Variants in SCGB2B2 observed in about 807,000 individuals in gnomAD.
SCGB2B2 encodes the protein secretoglobin-like protein.
Under a neutral mutation model 7.6 loss-of-function variants are expected in SCGB2B2, and 11 were observed. That is an observed-to-expected ratio of 1.45 (90% CI 0.91 to 2.40). SCGB2B2 has a LOEUF of 2.40. Ranked by LOEUF, SCGB2B2 falls within the 30% of genes most tolerant of loss-of-function variation. The probability of loss-of-function intolerance (pLI) is 0.00; values close to 1 mark genes in which losing one functional copy is unlikely to be tolerated. For synonymous variants in SCGB2B2, 50 were observed against 48.6 expected, an observed-to-expected ratio of 1.03 and a Z score of -0.12; for missense variants, 104 against 115.4, an observed-to-expected ratio of 0.90 and a Z score of 0.45.
chr19:34,656,628 A>G (rs2067290225), intron 1 of SCGB2B2, among the ~76,000 whole-genome samples: 1 of 151,320 alleles, frequency 6.6e-6, no homozygotes, highest in Non-Finnish European at 1.5e-5. Flanking sequence ...ATTCTCTTAG[A>G]AAATAGAAGT....
chr19:34,664,689 T>C (rs1214822464), intron 1 of SCGB2B2, among the ~76,000 whole-genome samples: 8 of 152,110 alleles, frequency 5.3e-5, no homozygotes, highest in Non-Finnish European at 1.0e-4. Flanking sequence ...GTCCGGAAGC[T>C]CTAGGGCCCC....
At chr19:34,612,279 C>T (rs770520456) in intron 1 of SCGB2B2, among the ~76,000 whole-genome samples, 24 of 151,682 alleles carry the variant, frequency 1.6e-4, no homozygotes, top group Middle Eastern at 3.4e-3. Flanking sequence ...CATCGTGATC[C>T]GCCCACCTTG....
At chr19:34,597,885 G>A (rs986136119) in intron 1 of SCGB2B2, among the ~76,000 whole-genome samples, 4 of 152,202 alleles carry the variant, frequency 2.6e-5, no homozygotes, top group African/African-American at 9.7e-5. Flanking sequence ...AACTGGGCAG[G>A]AGGTGCCCTG....
intron 1 of SCGB2B2, among the ~76,000 whole-genome samples, chr19:34,659,370 G>A (rs1421780306): frequency 6.6e-6 from 1 of 152,160 alleles, no homozygotes; most frequent in Non-Finnish European, 1.5e-5. Context: ...CAGATGACAT[G>A]ATTTTATATT....
intron 1 of SCGB2B2, among the ~76,000 whole-genome samples, chr19:34,647,321 C>T (rs1384987707): frequency 6.6e-6 from 1 of 152,192 alleles, no homozygotes; most frequent in East Asian, 1.9e-4. Flanking sequence ...TGACAAGGCT[C>T]CACCAACTCC....
chr19:34,594,064 T>C, intron 3 of SCGB2B2, 111 bp downstream of exon 3: 1 of 876,926 alleles, frequency 1.1e-6, no homozygotes, highest in Non-Finnish European at 1.8e-6. Flanking sequence ...CATCCTGGGA[T>C]GTGGCTTCCT....
chr19:34,616,900 A>G (rs1322521231), intron 1 of SCGB2B2, among the ~76,000 whole-genome samples: 1 of 152,164 alleles, frequency 6.6e-6, no homozygotes, highest in Non-Finnish European at 1.5e-5. Context: ...AGCTTTCTAC[A>G]TATGGCTAGC....
At chr19:34,660,559 G>T (rs952248252) in intron 1 of SCGB2B2, among the ~76,000 whole-genome samples, 7 of 152,190 alleles carry the variant, frequency 4.6e-5, no homozygotes, top group Non-Finnish European at 5.9e-5. Flanking sequence ...GGTCATCAGA[G>T]AAATGCAAAT....
At chr19:34,623,259 G>A (rs2066284797) in intron 1 of SCGB2B2, among the ~76,000 whole-genome samples, 1 of 152,166 alleles carries the variant, frequency 6.6e-6, no homozygotes, top group African/African-American at 2.4e-5. Flanking sequence ...TGTGAGTGAA[G>A]TTGGGACTTT....
chr19:34,650,156 C>T (rs925160310), intron 1 of SCGB2B2, among the ~76,000 whole-genome samples: 3 of 151,316 alleles, frequency 2.0e-5, no homozygotes, highest in Admixed American at 6.6e-5. Flanking sequence ...AGAGGTGGAG[C>T]GTCTGACCCT....
rs2146083692 is a variant in SCGB2B2 at position 34,652,429 on chromosome 19, TCAAA to T, written c.-2032+23197_-2032+23200del. 1.3e-5 allele frequency among the ~76,000 whole-genome samples: 2 copies of T among 150,972 alleles called. 1 individual carries two copies. Among genetic ancestry groups the T allele is most frequent in the African/African-American group, 4.9e-5 (2 of 40,476 alleles). The stretch of plus-strand genomic sequence containing the variant: ...TTAAGATCCAGAATACACAAGAAAC[TCAAA>T]CAATTCAATGTCAAGAAGAAAAACT... On this transcript the variant is annotated intron_variant, in intron 1 of 3. Transcript: ENST00000601241.
chr19:34,643,459 T>C (rs1038523095), intron 1 of SCGB2B2, among the ~76,000 whole-genome samples: 5 of 152,086 alleles, frequency 3.3e-5, no homozygotes, highest in African/African-American at 1.2e-4. Context: ...GGTTAACGCA[T>C]GAAAGCCTAC....
At chr19:34,648,529 TG>T (rs2067080438) in intron 1 of SCGB2B2, among the ~76,000 whole-genome samples, 1 of 152,166 alleles carries the variant, frequency 6.6e-6, no homozygotes, top group Non-Finnish European at 1.5e-5. Context: ...ATCTGTAAGT[TG>T]TCATGAAATT....
chr19:34,629,497 G>A (rs10420555), intron 1 of SCGB2B2, among the ~76,000 whole-genome samples: 46,498 of 151,592 alleles, frequency 0.31, 8,321 homozygotes, highest in Middle Eastern at 0.47. Context: ...GAACCAAATC[G>A]TGAGTGAACT....
At position 34,594,312 on chromosome 19, in the gene SCGB2B2, C is replaced by A. The variant is rs777800627; in HGVS notation, c.109G>T (p.Asp37Tyr). ...IDKLLANVVF[D>Y]VSQDLLKEEL... ...TCCTTCAGGAGGTCTTGGGACACATCAAACACAACATTCGCAAGCAGTTTA... is the reference window on the plus strand; with the variant it reads ...TCCTTCAGGAGGTCTTGGGACACATAAAACACAACATTCGCAAGCAGTTTA... The change falls in exon 3 of 4, where the codon GAT becomes TAT. Residue 37 changes from aspartate (D) to tyrosine (Y), a missense_variant. Coordinates refer to ENST00000601241, the MANE Select transcript of SCGB2B2 (RefSeq NM_001025591.4). 6.2e-7 allele frequency: 1 copy of A among 1,614,162 alleles called. No individual in the cohort carries two copies. Among genetic ancestry groups the A allele is most frequent in the Admixed American group, 1.7e-5 (1 of 60,018 alleles).
intron 1 of SCGB2B2, among the ~76,000 whole-genome samples, chr19:34,674,212 A>C (rs1484928108): frequency 6.6e-6 from 1 of 152,212 alleles, no homozygotes; most frequent in African/African-American, 2.4e-5. Context: ...TTCTGGATGG[A>C]CTGAGCAGGG....
chr19:34,661,503 C>T (rs937530716), intron 1 of SCGB2B2, among the ~76,000 whole-genome samples: 1 of 152,202 alleles, frequency 6.6e-6, no homozygotes, highest in African/African-American at 2.4e-5. Context: ...ATTCTAGGAA[C>T]AAGGCCAAAG....
At chr19:34,652,209 T>A (rs911710076) in intron 1 of SCGB2B2, among the ~76,000 whole-genome samples, 1 of 151,174 alleles carries the variant, frequency 6.6e-6, no homozygotes, top group Non-Finnish European at 1.5e-5. Context: ...ACAATACTGA[T>A]CTGGGCAAAG....
intron 1 of SCGB2B2, among the ~76,000 whole-genome samples, chr19:34,673,774 T>A (rs2067856959): frequency 6.6e-6 from 1 of 152,098 alleles, no homozygotes; most frequent in South Asian, 2.1e-4. Context: ...GTTGTAGGAG[T>A]GTCCCTGTAG....
Sources: gnomAD v4.1 joint callset for allele counts (sites outside exome capture counted in the v4.1 genomes callset) on GRCh38, gnomAD v4.1.1 for gene constraint, MANE v1.5 for transcripts, NCBI Gene and HGNC (gene_info 2026-07-23, HGNC 2026-07-21) for gene names.